The following LY6G5B variants were observed in gnomAD, a reference collection of about 807,000 sequenced individuals.
LY6G5B encodes lymphocyte antigen 6 family member G5B.
A neutral mutation model predicts 6.7 loss-of-function variants in LY6G5B; 6 were observed. The ratio of observed to expected loss-of-function variants is 0.89; its 90% CI spans 0.49 to 1.76. LY6G5B has a LOEUF of 1.76. LY6G5B is among the 40% of genes most tolerant of loss of function. The pLI, the probability that LY6G5B is intolerant of heterozygous loss-of-function variation, is 0.01. For synonymous variants in LY6G5B, 98 were observed against 99.4 expected (o/e 0.99, Z 0.09); for missense variants, 240 against 249.5 (o/e 0.96, Z 0.26).
rs575476168 is a variant in LY6G5B, at chr6:31,670,857, C to T, written c.-94C>T. Reference sequence around the variant, plus strand: ...AGCTCCTGCTCAGACCTTGTCAAAACCACCCTGCAGCTTAGGATTAAGGAG... The same window carrying T: ...AGCTCCTGCTCAGACCTTGTCAAAATCACCCTGCAGCTTAGGATTAAGGAG... On this transcript the variant is annotated 5_prime_UTR_variant, in exon 1 of 3. Coordinates refer to ENST00000375864, the Ensembl canonical transcript of LY6G5B. 3.9e-5 allele frequency: 54 copies of T among 1,387,888 alleles called. No individual in the cohort carries two copies. In the South Asian group the frequency reaches 5.0e-4, roughly 13 times the overall value. 86.0% of individuals were successfully genotyped at this position (1,387,888 alleles called of 1,614,324 possible).
chr6:31,670,324 GT>G lies in LY6G5B; in HGVS notation c.-624del. The stretch of plus-strand genomic sequence containing the variant: ...TTTGTTTGGATATCTATGACTGTCT[GT>G]TTATACTGTAAGGGGCTTAATCAGC... On this transcript the variant is annotated 5_prime_UTR_variant, in exon 1 of 3. It removes the in-frame stop codon of an upstream open reading frame in the 5' UTR. Coordinates refer to ENST00000375864, the Ensembl canonical transcript of LY6G5B. The G allele has an allele frequency of 4.9e-6, 1 of 204,976 alleles. No homozygotes were observed. 12.7% of individuals were successfully genotyped at this position (204,976 alleles called of 1,614,324 possible).
intron 1 of LY6G5B, 36 bp from the exon 2 acceptor site, chr6:31,671,120 G>A (rs764136175): frequency 1.2e-6 from 2 of 1,613,536 alleles, no homozygotes; most frequent in Non-Finnish European, 1.7e-6. Context: ...ATTTGAGAGT[G>A]ACCCAGTGCC....
chr6:31,670,172 G>C, exon 1 of LY6G5B: 1 of 525,216 alleles, frequency 1.9e-6, no homozygotes, highest in East Asian at 3.1e-5. Flanking sequence ...TGAAAACCAG[G>C]ACAGATTTGT....
chr6:31,672,380 C>T, exon 3 of LY6G5B: 1 of 1,306,498 alleles, frequency 7.7e-7, no homozygotes, highest in Non-Finnish European at 1.1e-6. Flanking sequence ...TTTCTTAGGC[C>T]TCCGTCTGTT....
upstream of LY6G5B, chr6:31,670,140 G>C: frequency 1.8e-6 from 1 of 557,328 alleles, no homozygotes; most frequent in East Asian, 3.0e-5. Flanking sequence ...GGCCCTCATG[G>C]CCCAGCCCAC....
exon 3 of LY6G5B, chr6:31,671,984 A>G (rs762715840): frequency 6.2e-7 from 1 of 1,612,992 alleles, no homozygotes; most frequent in Non-Finnish European, 8.5e-7. Flanking sequence ...CAGTACGATT[A>G]TTGCAACTCC....
At chr6:31,672,118 A>G in exon 3 of LY6G5B, 1 of 1,612,840 alleles carries the variant, frequency 6.2e-7, no homozygotes, top group Non-Finnish European at 8.5e-7. Context: ...GCCCCTCCCC[A>G]ATTTCCATGC....
chr6:31,670,885 T>G lies in LY6G5B; in HGVS notation c.-66T>G. ...CCCTGCAGCTTAGGATTAAGGAGCA[T>G]GGTCACAGGAAGGTGGGGTTTCAGG... is the stretch of plus-strand genomic sequence containing the variant. On this transcript the variant is annotated 5_prime_UTR_variant, in exon 1 of 3. An upstream start codon of the reference 5' UTR is lost. Transcript: ENST00000375864. 1 of 1,508,548 alleles carries G rather than the reference T, an allele frequency of 6.6e-7. No homozygotes were observed. The highest frequency in any genetic ancestry group is 9.0e-7 in the Non-Finnish European group (1 of 1,117,086). 93.4% of individuals were successfully genotyped at this position (1,508,548 alleles called of 1,614,324 possible). A position where few individuals can be genotyped will look rare whatever the true frequency, so the allele number is the denominator to read the frequency against.
Position 31,671,146 on chromosome 6 carries a change from G to A in LY6G5B, c.59-10G>A. ...ACCCAGTGCCTCCATCCCTCCTTCT[G>A]CCTCCCCAGTTCCTGTTCCCGACAT... On this transcript the variant is annotated splice_polypyrimidine_tract_variant and intron_variant, in intron 1 of 2. Transcript: ENST00000375864. The A allele has an allele frequency of 6.2e-7, 1 of 1,613,900 alleles. No individual in the cohort carries two copies. Among genetic ancestry groups the A allele is most frequent in the Non-Finnish European group, 8.5e-7 (1 of 1,179,980 alleles).
exon 3 of LY6G5B, chr6:31,671,883 C>G (rs763682224): frequency 1.9e-6 from 3 of 1,606,984 alleles, no homozygotes; most frequent in African/African-American, 2.7e-5. Context: ...TTCGCTTCAT[C>G]GTTCGAGGCT....
In LY6G5B at chr6:31,672,250, C is replaced by T; in HGVS notation, c.574C>T (p.Gln192Ter). ...TAGTTCAGGACTTTTGGTTCTTCCC[C>T]AGGCTGGACTCTTGACACCTCACCC... Residue 192 changes from glutamine to a stop codon, truncating the protein, a stop_gained, in exon 3 of 3, where the codon CAG (glutamine) becomes TAG (stop). Coordinates refer to ENST00000375864, the Ensembl canonical transcript of LY6G5B. LOFTEE classifies it low-confidence loss of function (END_TRUNC). The T allele has an allele frequency of 1.2e-6, 2 of 1,613,060 alleles. No individual in the cohort carries two copies. Among genetic ancestry groups the T allele is most frequent in the Non-Finnish European group, 8.5e-7 (1 of 1,179,960 alleles).
At chr6:31,670,868 C>T (rs1802156667) in exon 1 of LY6G5B, 13 of 1,451,044 alleles carry the variant, frequency 9.0e-6, no homozygotes, top group Non-Finnish European at 1.2e-5. Context: ...CACCCTGCAG[C>T]TTAGGATTAA....
intron 2 of LY6G5B, 68 bp downstream of exon 2, chr6:31,671,352 G>A (rs2142234): frequency 0.075 from 121,030 of 1,604,086 alleles, 5,413 homozygotes; most frequent in African/African-American, 0.16. Flanking sequence ...TCCTCTCACA[G>A]ATCAGGGCTG....
In LY6G5B at chr6:31,670,871, A is replaced by T; in HGVS notation, c.-80A>T. 6.9e-7 allele frequency: 1 copy of T among 1,452,748 alleles called. No homozygotes were observed. Among genetic ancestry groups the T allele is most frequent in the Non-Finnish European group, 9.3e-7 (1 of 1,073,180 alleles). The allele number at this position is 1,452,748 out of a possible 1,614,324, so 90.0% of individuals were successfully genotyped here. Reference sequence around the variant, plus strand: ...CCTTGTCAAAACCACCCTGCAGCTTAGGATTAAGGAGCATGGTCACAGGAA... The same window carrying T: ...CCTTGTCAAAACCACCCTGCAGCTTTGGATTAAGGAGCATGGTCACAGGAA... On this transcript the variant is annotated 5_prime_UTR_variant, in exon 1 of 3. It removes the in-frame stop codon of an upstream open reading frame in the 5' UTR. Coordinates refer to ENST00000375864, the Ensembl canonical transcript of LY6G5B.
exon 1 of LY6G5B, chr6:31,670,239 C>G: frequency 2.8e-6 from 1 of 358,540 alleles, no homozygotes; most frequent in East Asian, 4.4e-5. Context: ...CCTAGGACTG[C>G]GTGTGATGAA....
At chr6:31,671,167 G>A (rs1292765144) in exon 2 of LY6G5B, 10 of 1,613,928 alleles carry the variant, frequency 6.2e-6, no homozygotes, top group African/African-American at 2.7e-5. Context: ...TCCTGTTCCC[G>A]ACATCCGGAC....
chr6:31,670,768 A>G (rs1802149742), exon 1 of LY6G5B: 1 of 619,826 alleles, frequency 1.6e-6, no homozygotes, highest in Non-Finnish European at 2.8e-6. Flanking sequence ...CCTCCTGCCA[A>G]GTAATAACTT....
At chr6:31,670,971 A>G in exon 1 of LY6G5B, 1 of 1,611,494 alleles carries the variant, frequency 6.2e-7, no homozygotes, top group Non-Finnish European at 8.5e-7. Flanking sequence ...ATATGCTTGT[A>G]GGTGTGCTGG....
chr6:31,672,026 C>G (rs750931268), exon 3 of LY6G5B: 3 of 1,613,100 alleles, frequency 1.9e-6, no homozygotes, highest in Non-Finnish European at 2.5e-6. Context: ...AGCTCTCTGC[C>G]GGAGCCCCAT....
Sources: gnomAD v4.1 joint callset for allele counts on GRCh38, gnomAD v4.1.1 for gene constraint, MANE v1.5 for transcripts, NCBI Gene and HGNC (gene_info 2026-07-23, HGNC 2026-07-21) for gene names.